CCL28: variants seen among roughly 807,000 people sequenced by gnomAD.
CCL28 encodes the protein C-C motif chemokine ligand 28.
A neutral mutation model predicts 7.1 loss-of-function variants in CCL28; 4 were observed. The ratio of observed to expected loss-of-function variants is 0.56; its 90% CI spans 0.28 to 1.29. CCL28 has a LOEUF of 1.29. Among genes scored for constraint, CCL28 ranks in the 50% most tolerant of loss-of-function variants. The pLI is 0.11. For missense variants in CCL28, 151 were observed against 163.4 expected, an observed-to-expected ratio of 0.92 and a Z score of 0.41; for synonymous variants, 55 against 57.8, an observed-to-expected ratio of 0.95 and a Z score of 0.22.
rs532693039 is a variant in CCL28 at position 43,384,642 on chromosome 5, C to CT, written c.192-2591dup. ...GTAAGAAATCCTGAGGCCAATCCCC[C>CT]TTTTTTTTTTTCTTAACCCTCAGGA... is the stretch of plus-strand genomic sequence containing the variant. On this transcript the variant is annotated intron_variant, in intron 2 of 2. Transcript: ENST00000361115. Among the ~76,000 whole-genome samples the CT allele has an allele frequency of 2.3e-3, 333 of 147,260 alleles. 1 individual carries two copies. The highest frequency in any genetic ancestry group is 8.4e-3 in the South Asian group (39 of 4,618).
chr5:43,359,089 G>A, the CCL28 span, among the ~76,000 whole-genome samples: 2 of 152,204 alleles, frequency 1.3e-5, no homozygotes, highest in Non-Finnish European at 2.9e-5. Flanking sequence ...GATTATGAAA[G>A]GGGCCTGAAT....
At chr5:43,383,109 C>G (rs780811468) in intron 2 of CCL28, among the ~76,000 whole-genome samples, 2 of 152,108 alleles carry the variant, frequency 1.3e-5, no homozygotes, top group African/African-American at 2.4e-5. Flanking sequence ...TGAGCCACTG[C>G]ACCTGGCTCA....
At chr5:43,374,991 T>A (rs1739856965), downstream of CCL28, among the ~76,000 whole-genome samples, 1 of 151,970 alleles carries the variant, frequency 6.6e-6, no homozygotes. Context: ...GAAAGATCTT[T>A]TTCTTTTCTT....
At position 43,383,561 on chromosome 5, in the gene CCL28, T is replaced by C. The variant is rs537611765; in HGVS notation, c.192-1509A>G. Among the ~76,000 whole-genome samples the C allele has an allele frequency of 4.8e-4, 73 of 152,292 alleles. 1 individual carries two copies. Among genetic ancestry groups the C allele is most frequent in the African/African-American group, 1.6e-3 (68 of 41,554 alleles). ...TAATAAGAGAATAATATATTCCCTA[T>C]GTGTATTAGATAGAGAGTCTTAAAA... On this transcript the variant is annotated intron_variant, in intron 2 of 2. Coordinates refer to ENST00000361115, the MANE Select transcript of CCL28 (RefSeq NM_148672.3).
chr5:43,369,903 G>A, the CCL28 span, among the ~76,000 whole-genome samples: 1 of 152,194 alleles, frequency 6.6e-6, no homozygotes, highest in Non-Finnish European at 1.5e-5. Flanking sequence ...GGAACCCTGA[G>A]TCACCATGAA....
At position 43,380,474 on chromosome 5, in the gene CCL28, T is replaced by A. The variant is rs1016904070; in HGVS notation, c.*1386A>T. 6.6e-6 allele frequency: 1 copy of A among 152,212 alleles called. No homozygotes were observed. The highest frequency in any genetic ancestry group is 1.5e-5 in the Non-Finnish European group (1 of 68,046). The allele number at this position is 152,212 out of a possible 1,614,324, so 9.4% of individuals were successfully genotyped here. A position where few individuals can be genotyped will look rare whatever the true frequency, so the allele number is the denominator to read the frequency against. The stretch of plus-strand genomic sequence containing the variant: ...TACACGAATTCACGTAGGAAATTCT[T>A]AACCAAAAACATTAAACCTGAATTT... On this transcript the variant is annotated 3_prime_UTR_variant, in exon 3 of 3. Coordinates refer to ENST00000361115, the MANE Select transcript of CCL28 (RefSeq NM_148672.3).
the CCL28 span, among the ~76,000 whole-genome samples, chr5:43,361,547 A>G: frequency 1.3e-5 from 2 of 152,260 alleles, no homozygotes; most frequent in Non-Finnish European, 2.9e-5. Flanking sequence ...TGGCATCTTC[A>G]TCATCAAATC....
intron 1 of CCL28, among the ~76,000 whole-genome samples, chr5:43,399,122 T>C (rs997525107): frequency 2.0e-5 from 3 of 152,218 alleles, no homozygotes; most frequent in African/African-American, 7.2e-5. Flanking sequence ...GAAGACATCA[T>C]CTCCTGCCAC....
At chr5:43,393,585 C>T (rs1350868147) in intron 1 of CCL28, among the ~76,000 whole-genome samples, 1 of 151,710 alleles carries the variant, frequency 6.6e-6, no homozygotes, top group African/African-American at 2.4e-5. Flanking sequence ...GAACTTCTGA[C>T]CTCAAATGAT....
the CCL28 span, among the ~76,000 whole-genome samples, chr5:43,369,048 G>A: frequency 3.5e-5 from 1 of 28,828 alleles, no homozygotes. Context: ...GAGAGAGAGA[G>A]AGAGAGAGAG....
At chr5:43,402,884 G>C (rs552026463) in intron 1 of CCL28, among the ~76,000 whole-genome samples, 59 of 152,336 alleles carry the variant, frequency 3.9e-4, no homozygotes, top group African/African-American at 1.4e-3. Flanking sequence ...GGCTTGGAGG[G>C]TCCCACACCC....
chr5:43,405,616 A>G (rs1229361265), intron 1 of CCL28, among the ~76,000 whole-genome samples: 1 of 152,216 alleles, frequency 6.6e-6, no homozygotes, highest in Non-Finnish European at 1.5e-5. Flanking sequence ...CACATTCAAA[A>G]GCCTACAGGA....
the CCL28 span, among the ~76,000 whole-genome samples, chr5:43,367,662 C>G: frequency 6.6e-6 from 1 of 152,230 alleles, no homozygotes; most frequent in East Asian, 1.9e-4. Context: ...GATGCAGGCC[C>G]CACCCTGCTT....
At chr5:43,363,482 C>G in the CCL28 span, among the ~76,000 whole-genome samples, 1 of 152,242 alleles carries the variant, frequency 6.6e-6, no homozygotes, top group Non-Finnish European at 1.5e-5. Context: ...CTGGGAAGCA[C>G]ATAGGCTCAG....
chr5:43,377,717 CTTT>C (rs767834184), downstream of CCL28, among the ~76,000 whole-genome samples: 67 of 42,686 alleles, frequency 1.6e-3, no homozygotes, highest in African/African-American at 7.3e-3. Context: ...AGAACTTAAA[CTTT>C]TTTTTTTTTT....
downstream of CCL28, among the ~76,000 whole-genome samples, chr5:43,371,903 G>C (rs1041826339): frequency 2.6e-5 from 4 of 152,244 alleles, no homozygotes; most frequent in Admixed American, 2.6e-4. Flanking sequence ...TTTGCAGGCT[G>C]TACAAGAGCA....
chr5:43,369,108 C>A, the CCL28 span, among the ~76,000 whole-genome samples: 1 of 148,916 alleles, frequency 6.7e-6, no homozygotes, highest in African/African-American at 2.5e-5. Flanking sequence ...AAGTCACAAT[C>A]TTTTATAATT....
intron 1 of CCL28, among the ~76,000 whole-genome samples, chr5:43,399,442 T>C (rs1263525103): frequency 1.3e-5 from 2 of 152,204 alleles, no homozygotes; most frequent in Non-Finnish European, 2.9e-5. Context: ...TGTATGACAT[T>C]AAGAGTCTAT....
chr5:43,365,945 T>C, the CCL28 span, among the ~76,000 whole-genome samples: 1 of 152,216 alleles, frequency 6.6e-6, no homozygotes, highest in Non-Finnish European at 1.5e-5. Context: ...TCCTTCCACT[T>C]GATTGATTTG....
Sources: allele counts gnomAD v4.1 joint callset (sites outside exome capture counted in the v4.1 genomes callset), GRCh38; gene constraint gnomAD v4.1.1; transcripts MANE v1.5; gene names NCBI Gene and HGNC (gene_info 2026-07-23, HGNC 2026-07-21).